The following PASD1 variants were observed in gnomAD, a reference collection of about 807,000 sequenced individuals.
The protein encoded by PASD1 is PAS domain containing repressor 1, also known as circadian clock protein PASD1.
In PASD1, 13 loss-of-function variants were observed where a neutral mutation model predicts 58.8. The ratio of observed to expected loss-of-function variants is 0.22; its 90% CI spans 0.14 to 0.35. PASD1 has a LOEUF of 0.35. Ranked by LOEUF, PASD1 falls within the 10% of genes least tolerant of loss-of-function variation. PASD1 has a pLI of 1.00. For synonymous variants in PASD1, 236 were observed against 216.7 expected (o/e 1.09, Z -0.78); for missense variants, 734 against 568.3 (o/e 1.29, Z -2.96).
At chrX:151,673,717 C>G in intron 14 of PASD1, 1 of 451,101 alleles carries the variant, frequency 2.2e-6, no homozygotes, top group Non-Finnish European at 3.8e-6. Context: ...CCAGGTGAGA[C>G]AAGGGATTGT....
chrX:151,649,651 G>A (rs1874739064), intron 9 of PASD1, among the ~76,000 whole-genome samples: 1 of 112,090 alleles, frequency 8.9e-6, no homozygotes, highest in East Asian at 2.8e-4. Context: ...TTTGAACAAG[G>A]CTTGTTACAC....
chrX:151,601,756 T>C (rs2013420196), intron 2 of PASD1, among the ~76,000 whole-genome samples, 175 bp downstream of exon 2: 1 of 111,512 alleles, frequency 9.0e-6, no homozygotes, highest in Non-Finnish European at 1.9e-5. Context: ...TTATAATACT[T>C]AGCACATCAC....
chrX:151,588,973 C>T (rs1241163277), intron 1 of PASD1, among the ~76,000 whole-genome samples: 1 of 111,159 alleles, frequency 9.0e-6, no homozygotes, highest in Non-Finnish European at 1.9e-5. Context: ...GAGCTTTCCC[C>T]ACATCCCTGC....
intron 1 of PASD1, among the ~76,000 whole-genome samples, chrX:151,577,594 G>A (rs2013025866): frequency 9.0e-6 from 1 of 111,523 alleles, no homozygotes; most frequent in South Asian, 3.8e-4. Context: ...GTGCGATCTC[G>A]ACTCACCAAA....
intron 8 of PASD1, among the ~76,000 whole-genome samples, chrX:151,626,391 C>T (rs939410775): frequency 8.1e-5 from 9 of 111,432 alleles, no homozygotes; most frequent in African/African-American, 2.0e-4. Context: ...AGGAAAATGC[C>T]GATTAATTTG....
chrX:151,672,528 G>A lies in PASD1; in HGVS notation c.1783G>A (p.Val595Met), dbSNP rs771359553. The change falls in exon 14 of 16, where the codon GTG (valine) becomes ATG (methionine). Residue 595 changes from valine to methionine, a missense_variant. Coordinates refer to ENST00000370357, the MANE Select transcript of PASD1 (RefSeq NM_173493.3). ...CCTGCAAAACCCACGTGACGTATCT[G>A]TGCCCCTCTGCAATCACCCTGTTAG... is the stretch of plus-strand genomic sequence containing the variant. ...ICLQNPRDVS[V>M]PLCNHPVRFL... 1.7e-6 allele frequency: 2 copies of A among 1,211,922 alleles called. No homozygotes were observed. The highest frequency in any genetic ancestry group is 2.2e-5 in the Admixed American group (1 of 46,069).
intron 1 of PASD1, among the ~76,000 whole-genome samples, chrX:151,586,422 T>G (rs954086298): frequency 2.1e-4 from 24 of 111,726 alleles, no homozygotes; most frequent in African/African-American, 7.8e-4. Flanking sequence ...ACAGACTGAT[T>G]TTCCAGTGCT....
At chrX:151,570,363 GT>G (rs1196634395) in intron 1 of PASD1, among the ~76,000 whole-genome samples, 4 of 112,145 alleles carry the variant, frequency 3.6e-5, no homozygotes, top group African/African-American at 1.3e-4. Flanking sequence ...ATGTGGCAAT[GT>G]TTCCCTCAGA....
intron 9 of PASD1, among the ~76,000 whole-genome samples, chrX:151,657,850 T>G (rs1416617169): frequency 9.1e-6 from 1 of 110,327 alleles, no homozygotes; most frequent in Non-Finnish European, 1.9e-5. Flanking sequence ...TTTTTTTTTT[T>G]TTAAATTCTG....
chrX:151,653,849 TCCC>T (rs1268485822), intron 9 of PASD1, among the ~76,000 whole-genome samples: 5 of 26,038 alleles, frequency 1.9e-4, no homozygotes, highest in African/African-American at 4.8e-4. Context: ...CTTCCTTCCC[TCCC>T]TCCCTCCCTC....
chrX:151,603,011 C>T (rs188671787), intron 2 of PASD1, among the ~76,000 whole-genome samples: 43 of 112,722 alleles, frequency 3.8e-4, no homozygotes, highest in Non-Finnish European at 6.4e-4. Flanking sequence ...ATGTTACCTT[C>T]CTAATACCTT....
chrX:151,582,188 G>A (rs1321963602), intron 1 of PASD1, among the ~76,000 whole-genome samples: 4 of 109,740 alleles, frequency 3.6e-5, no homozygotes, highest in East Asian at 2.9e-4. Context: ...GGGTTTCACC[G>A]TGTTAGCCGG....
intron 8 of PASD1, among the ~76,000 whole-genome samples, chrX:151,647,048 G>A (rs1325307212): frequency 8.9e-6 from 1 of 112,003 alleles, no homozygotes; most frequent in Non-Finnish European, 1.9e-5. Flanking sequence ...CACCAAGTAG[G>A]AGACACTGGA....
chrX:151,656,916 C>T (rs1430404946), intron 9 of PASD1, among the ~76,000 whole-genome samples: 5 of 111,759 alleles, frequency 4.5e-5, no homozygotes, highest in African/African-American at 9.8e-5. Context: ...TGGTGAGAGA[C>T]GGCATCCCTG....
intron 8 of PASD1, among the ~76,000 whole-genome samples, chrX:151,648,006 A>C (rs2014082088): frequency 9.0e-6 from 1 of 111,633 alleles, no homozygotes. Context: ...GTGAAAACAA[A>C]ATACATTTCA....
chrX:151,567,622 AAGGTCT>A (rs2012866058), intron 1 of PASD1, among the ~76,000 whole-genome samples: 1 of 111,961 alleles, frequency 8.9e-6, no homozygotes, highest in Non-Finnish European at 1.9e-5. Flanking sequence ...TTGATAGGCA[AAGGTCT>A]GTGTGACAAA....
Position 151,672,235 on chromosome X carries a change from GGGAGCAGCTGCA to G in PASD1, c.1491_1502del (p.Glu498_Gln501del). 8.8e-7 allele frequency: 1 copy of G among 1,139,020 alleles called. No individual in the cohort carries two copies. The highest frequency in any genetic ancestry group is 1.2e-6 in the Non-Finnish European group (1 of 850,802). The allele number at this position is 1,139,020 out of a possible 1,213,427, so 93.9% of individuals were successfully genotyped here. On this transcript the variant is annotated inframe_deletion, in exon 14 of 16. Coordinates refer to ENST00000370357, the MANE Select transcript of PASD1 (RefSeq NM_173493.3). The stretch of plus-strand genomic sequence containing the variant: ...CTGAAGGAGCAGCAGCGGCAGCTGC[GGGAGCAGCTGCA>G]ACAGCTGAGAGAGCAAAGGAAGGTG...
At chrX:151,634,272 C>T (rs1365819952) in intron 8 of PASD1, among the ~76,000 whole-genome samples, 4 of 110,950 alleles carry the variant, frequency 3.6e-5, no homozygotes, top group Admixed American at 1.9e-4. Flanking sequence ...TCTCTCTTCT[C>T]TCTCTCTTCA....
At chrX:151,603,149 A>C (rs1336501118) in intron 2 of PASD1, among the ~76,000 whole-genome samples, 1 of 112,860 alleles carries the variant, frequency 8.9e-6, no homozygotes, top group African/African-American at 3.2e-5. Context: ...GTAAGATACA[A>C]AAGAACAGTC....
Sources: allele counts gnomAD v4.1 joint callset (sites outside exome capture counted in the v4.1 genomes callset), GRCh38; gene constraint gnomAD v4.1.1; transcripts MANE v1.5; gene names NCBI Gene and HGNC (gene_info 2026-07-23, HGNC 2026-07-21).